The following ABLIM1 variants were observed in gnomAD, a reference collection of about 807,000 sequenced individuals.
ABLIM1 encodes the protein actin binding LIM protein 1.
ABLIM1 carries 40 observed loss-of-function variants against 107.0 expected under a neutral mutation model. The observed-to-expected ratio is 0.37, with a 90% CI of 0.29 to 0.49. The LOEUF is 0.49. ABLIM1 is among the 20% of genes least tolerant of loss of function. The pLI, the probability that ABLIM1 is intolerant of heterozygous loss-of-function variation, is 0.97. For synonymous variants in ABLIM1, 357 were observed against 357.3 expected (o/e 1.00, Z 0.01); for missense variants, 857 against 1,008.5 (o/e 0.85, Z 2.04).
At chr10:114,616,574 T>C (rs1183544809) in intron 1 of ABLIM1, among the ~76,000 whole-genome samples, 1 of 152,210 alleles carries the variant, frequency 6.6e-6, no homozygotes, top group Non-Finnish European at 1.5e-5. Flanking sequence ...TACTGTGGCA[T>C]GACAAAGGTG....
At chr10:114,476,569 G>A (rs907234166) in intron 8 of ABLIM1, among the ~76,000 whole-genome samples, 2 of 151,630 alleles carry the variant, frequency 1.3e-5, no homozygotes. Flanking sequence ...GCTTGAACTT[G>A]GGAGGCGGAG....
At chr10:114,568,742 C>A (rs1025849950) in intron 4 of ABLIM1, among the ~76,000 whole-genome samples, 2 of 152,156 alleles carry the variant, frequency 1.3e-5, no homozygotes, top group African/African-American at 4.8e-5. Flanking sequence ...GGATTTCATC[C>A]ATTGGAAGCA....
At chr10:114,474,949 G>T (rs552661138) in intron 8 of ABLIM1, among the ~76,000 whole-genome samples, 1 of 152,258 alleles carries the variant, frequency 6.6e-6, no homozygotes, top group Admixed American at 6.5e-5. Context: ...CGTAAGACAT[G>T]ACTTTGTTTC....
chr10:114,442,569 C>T (rs1314171179), intron 17 of ABLIM1, among the ~76,000 whole-genome samples: 1 of 152,196 alleles, frequency 6.6e-6, no homozygotes, highest in Non-Finnish European at 1.5e-5. Context: ...AATCCAAGAT[C>T]AATGCCAGTG....
intron 12 of ABLIM1, among the ~76,000 whole-genome samples, chr10:114,455,698 T>C (rs2062680226): frequency 6.6e-6 from 1 of 152,232 alleles, no homozygotes; most frequent in Admixed American, 6.5e-5. Flanking sequence ...TTTATTGGCC[T>C]AATTTAGCAA....
intron 13 of ABLIM1, among the ~76,000 whole-genome samples, chr10:114,452,250 G>C (rs7895957): frequency 0.028 from 4,190 of 152,120 alleles, 194 homozygotes; most frequent in African/African-American, 0.097. Flanking sequence ...AAGAATGAAT[G>C]AAAAAGAAAA....
At chr10:114,741,761 G>T (rs1439921267) in intron 1 of ABLIM1, among the ~76,000 whole-genome samples, 1 of 152,174 alleles carries the variant, frequency 6.6e-6, no homozygotes, top group Non-Finnish European at 1.5e-5. Flanking sequence ...TCAAAATCCT[G>T]CTAGTTCAAA....
In ABLIM1 at chr10:114,474,467, G is replaced by A. The variant is rs184539587; in HGVS notation, c.1042-511C>T. Among the ~76,000 whole-genome samples the A allele has an allele frequency of 8.1e-5, 12 of 148,166 alleles. No homozygotes were observed. In the East Asian group the frequency reaches 1.2e-3, roughly 15 times the overall value. ...GCGATCTTGGCTCACTGCAAGCTCC[G>A]CCTCCCAGGTTCACACTTTTCTCCT... On this transcript the variant is annotated intron_variant, in intron 8 of 22. Coordinates refer to ENST00000533213, the MANE Select transcript of ABLIM1 (RefSeq NM_002313.7).
intron 1 of ABLIM1, among the ~76,000 whole-genome samples, chr10:114,607,058 C>A (rs1313511038): frequency 6.6e-6 from 1 of 152,170 alleles, no homozygotes; most frequent in Non-Finnish European, 1.5e-5. Flanking sequence ...ATTCCCTACG[C>A]CCTTGCACCC....
intron 1 of ABLIM1, among the ~76,000 whole-genome samples, chr10:114,723,840 G>C (rs1012365016): frequency 6.6e-6 from 1 of 152,176 alleles, no homozygotes; most frequent in East Asian, 1.9e-4. Flanking sequence ...GCCTGGTAGA[G>C]ATTCAATTAT....
intron 6 of ABLIM1, among the ~76,000 whole-genome samples, chr10:114,500,171 A>G (rs2475230): frequency 0.32 from 48,231 of 152,032 alleles, 8,373 homozygotes; most frequent in East Asian, 0.65. Context: ...TGAGCTCACA[A>G]ACACTGCTTT....
At chr10:114,716,842 T>TAAAAAAA (rs34567416) in intron 1 of ABLIM1, among the ~76,000 whole-genome samples, 2 of 134,556 alleles carry the variant, frequency 1.5e-5, no homozygotes, top group Non-Finnish European at 1.6e-5. Flanking sequence ...CTGGAACTGT[T>TAAAAAAA]AAAAAAAAAA....
At chr10:114,714,899 T>A (rs2081628148) in intron 1 of ABLIM1, among the ~76,000 whole-genome samples, 1 of 152,224 alleles carries the variant, frequency 6.6e-6, no homozygotes. Context: ...TGATTATCCC[T>A]CTCTGTCTCC....
intron 16 of ABLIM1, among the ~76,000 whole-genome samples, chr10:114,444,705 CA>C (rs1239107175): frequency 1.3e-5 from 2 of 152,062 alleles, no homozygotes; most frequent in East Asian, 3.9e-4. Context: ...TGACTAATAT[CA>C]CGTGCATTTC....
chr10:114,544,884 ACTTT>A (rs1448602123), intron 6 of ABLIM1, 117 bp downstream of exon 6: 1 of 882,558 alleles, frequency 1.1e-6, no homozygotes, highest in Non-Finnish European at 1.9e-6. Flanking sequence ...ACCTGCGACT[ACTTT>A]CTTTCTCCAC....
intron 4 of ABLIM1, among the ~76,000 whole-genome samples, chr10:114,570,928 C>T (rs2071580247): frequency 6.6e-6 from 1 of 152,088 alleles, no homozygotes; most frequent in Middle Eastern, 3.2e-3. Flanking sequence ...CTTTAGGAGC[C>T]TCCATGCTGT....
At chr10:114,765,446 G>A (rs1272767508) in intron 1 of ABLIM1, among the ~76,000 whole-genome samples, 1 of 152,086 alleles carries the variant, frequency 6.6e-6, no homozygotes, top group South Asian at 2.1e-4. Context: ...AAAATCAAGA[G>A]CATTTATCTT....
intron 1 of ABLIM1, among the ~76,000 whole-genome samples, chr10:114,755,932 G>A (rs2082619829): frequency 6.6e-6 from 1 of 152,044 alleles, no homozygotes; most frequent in Non-Finnish European, 1.5e-5. Flanking sequence ...TGTTTAGAAG[G>A]TCGAGACACT....
intron 4 of ABLIM1, among the ~76,000 whole-genome samples, chr10:114,556,976 T>C (rs1241374853): frequency 6.6e-6 from 1 of 152,230 alleles, no homozygotes; most frequent in Non-Finnish European, 1.5e-5. Context: ...TTTTAAAAAC[T>C]ACTTTTTAGC....
Sources: allele counts gnomAD v4.1 joint callset (sites outside exome capture counted in the v4.1 genomes callset), GRCh38; gene constraint gnomAD v4.1.1; transcripts MANE v1.5; gene names NCBI Gene and HGNC (gene_info 2026-07-23, HGNC 2026-07-21).